DNMT3A: variants seen among roughly 807,000 people sequenced by gnomAD.
DNMT3A encodes DNA (cytosine-5)-methyltransferase 3A.
Under a neutral mutation model 117.6 loss-of-function variants are expected in DNMT3A, and 267 were observed. The ratio of observed to expected loss-of-function variants is 2.27; its 90% CI spans 2.05 to 2.51. DNMT3A has a LOEUF of 2.51. Ranked by LOEUF, DNMT3A falls within the 30% of genes most tolerant of loss-of-function variation. The probability of loss-of-function intolerance (pLI) is 0.00; values close to 1 mark genes in which losing one functional copy is unlikely to be tolerated. For synonymous variants in DNMT3A, 432 were observed against 474.8 expected (o/e 0.91, Z 1.17); for missense variants, 1,029 against 1,260.2 (o/e 0.82, Z 2.78).
rs1323649675 is a variant in DNMT3A at position 25,233,684 on chromosome 2, G to A, written c.*595C>T. ...TCAGTGGCTGGGAGGGAATGCTGCC[G>A]CCTGAGTGTCTCTCTCTTTCCGTCC... On this transcript the variant is annotated 3_prime_UTR_variant, in exon 23 of 23. Transcript: ENST00000321117. 1.2e-4 allele frequency: 26 copies of A among 225,950 alleles called. No individual in the cohort carries two copies. Among genetic ancestry groups the A allele is most frequent in the African/African-American group, 3.7e-4 (16 of 42,966 alleles). 14.0% of individuals were successfully genotyped at this position (225,950 alleles called of 1,614,324 possible). A position where few individuals can be genotyped will look rare whatever the true frequency, so the allele number is the denominator to read the frequency against.
chr2:25,253,604 T>C (rs1392204153), intron 6 of DNMT3A, among the ~76,000 whole-genome samples: 1 of 152,198 alleles, frequency 6.6e-6, no homozygotes, highest in Non-Finnish European at 1.5e-5. Context: ...AGGTGCGTCC[T>C]TGGGTATATT....
chr2:25,254,421 TC>T lies in DNMT3A; in HGVS notation c.640-6170del, dbSNP rs907047588. On this transcript the variant is annotated intron_variant, in intron 6 of 22. Coordinates refer to ENST00000321117, the MANE Select transcript of DNMT3A (RefSeq NM_022552.5). This position sits in a 1 kb window ranked among gnomAD's most constrained non-coding sequence, Gnocchi z 4.7. ...CTACCTAGAAGACTTGGGTACAGACTCCCCCCCAACCCTGAGACCCAGAATC... is the reference window on the plus strand; with the variant it reads ...CTACCTAGAAGACTTGGGTACAGACTCCCCCCAACCCTGAGACCCAGAATC... Among the ~76,000 whole-genome samples the T allele has an allele frequency of 6.7e-6, 1 of 150,132 alleles. No individual in the cohort carries two copies. Among genetic ancestry groups the T allele is most frequent in the Non-Finnish European group, 1.5e-5 (1 of 67,584 alleles).
In DNMT3A at chr2:25,233,364, A is replaced by G; in HGVS notation, c.*915T>C. On this transcript the variant is annotated 3_prime_UTR_variant, in exon 23 of 23. Transcript: ENST00000321117. ...CCATCCTTGGTGAAACCCTTTGCGC[A>G]GAAGGCAACGTGGAAGCTGATGTTT... 4.3e-6 allele frequency: 1 copy of G among 233,818 alleles called. No homozygotes were observed. Among genetic ancestry groups the G allele is most frequent in the East Asian group, 6.0e-5 (1 of 16,726 alleles). The allele number at this position is 233,818 out of a possible 1,614,324, so 14.5% of individuals were successfully genotyped here.
intron 3 of DNMT3A, among the ~76,000 whole-genome samples, chr2:25,291,703 C>G (rs570526925): frequency 2.6e-5 from 4 of 152,366 alleles, no homozygotes; most frequent in Non-Finnish European, 5.9e-5. Context: ...CCCTTCTCCC[C>G]AGAGATCTCT....
chr2:25,299,463 G>GTCCA (rs1423424889), intron 3 of DNMT3A, among the ~76,000 whole-genome samples: 1 of 152,222 alleles, frequency 6.6e-6, no homozygotes, highest in Non-Finnish European at 1.5e-5. Context: ...GTGGTAGGGA[G>GTCCA]GGGCCTTCAT....
intron 1 of DNMT3A, among the ~76,000 whole-genome samples, chr2:25,318,492 G>C (rs945861601): frequency 2.0e-5 from 3 of 151,908 alleles, no homozygotes; most frequent in African/African-American, 7.3e-5. Flanking sequence ...CGCCATGTTG[G>C]CCAGGCTGGT....
At chr2:25,251,755 A>T (rs1021407978) in intron 6 of DNMT3A, among the ~76,000 whole-genome samples, 1 of 152,170 alleles carries the variant, frequency 6.6e-6, no homozygotes, top group Non-Finnish European at 1.5e-5. Context: ...CCCTCTTAAG[A>T]GGCCGCAAGC....
At chr2:25,302,592 G>A (rs113064530) in intron 2 of DNMT3A, among the ~76,000 whole-genome samples, 7 of 152,298 alleles carry the variant, frequency 4.6e-5, no homozygotes, top group East Asian at 3.9e-4. Context: ...GCAAACTCGC[G>A]GGAGCCTTCA....
rs1004635427 is a variant in DNMT3A, at chr2:25,252,960, G to A, written c.640-4708C>T. On this transcript the variant is annotated intron_variant, in intron 6 of 22. Coordinates refer to ENST00000321117, the MANE Select transcript of DNMT3A (RefSeq NM_022552.5). The surrounding 1 kb of genome is among the most constrained non-coding windows in gnomAD (Gnocchi z 5.5). ...GCGGGGGGGCCTCAAAAAGCGCGGC[G>A]TGAGGAGGTCAGGCTTCGAGTCCCA... is the stretch of plus-strand genomic sequence containing the variant. 6.6e-6 allele frequency among the ~76,000 whole-genome samples: 1 copy of A among 152,138 alleles called. No homozygotes were observed. Among genetic ancestry groups the A allele is most frequent in the Non-Finnish European group, 1.5e-5 (1 of 68,010 alleles).
intron 1 of DNMT3A, among the ~76,000 whole-genome samples, chr2:25,336,936 T>G (rs1349228529): frequency 6.6e-6 from 1 of 152,174 alleles, no homozygotes; most frequent in African/African-American, 2.4e-5. Flanking sequence ...TTTGAGCACT[T>G]TATTTCTCCC....
chr2:25,248,974 G>A (rs1338779460), intron 6 of DNMT3A, among the ~76,000 whole-genome samples: 1 of 152,192 alleles, frequency 6.6e-6, no homozygotes, highest in East Asian at 1.9e-4. Context: ...CCATTAACTT[G>A]TCATTTAGCA....
In DNMT3A at chr2:25,235,687, T is replaced by C. The variant is rs768066151; in HGVS notation, c.2597+20A>G. 6.2e-7 allele frequency: 1 copy of C among 1,600,412 alleles called. No homozygotes were observed. Among genetic ancestry groups the C allele is most frequent in the Non-Finnish European group, 8.6e-7 (1 of 1,168,080 alleles). ...TCAGAACAGCCACACCGCAGCCAGATGCCAGCACAACCCGGGTACCTTTCC... is the reference window on the plus strand; with the variant it reads ...TCAGAACAGCCACACCGCAGCCAGACGCCAGCACAACCCGGGTACCTTTCC... On this transcript the variant is annotated intron_variant, in intron 22 of 22. Coordinates refer to ENST00000321117, the MANE Select transcript of DNMT3A (RefSeq NM_022552.5).
At chr2:25,330,477 G>T (rs2034974982) in intron 1 of DNMT3A, among the ~76,000 whole-genome samples, 1 of 152,158 alleles carries the variant, frequency 6.6e-6, no homozygotes, top group Non-Finnish European at 1.5e-5. Context: ...TGCTTCAAAG[G>T]TCTCCCCAGG....
At chr2:25,318,846 C>T (rs1210509788) in intron 1 of DNMT3A, among the ~76,000 whole-genome samples, 3 of 143,600 alleles carry the variant, frequency 2.1e-5, no homozygotes, top group South Asian at 4.4e-4. Context: ...TACAGGCGCC[C>T]ACCACCATGC....
In DNMT3A at chr2:25,230,151, C is replaced by A. The variant is rs550373683; in HGVS notation, c.*4128G>T. On this transcript the variant is annotated 3_prime_UTR_variant, in exon 23 of 23. Transcript: ENST00000321117. The stretch of plus-strand genomic sequence containing the variant: ...TGCTTTCCAATAGGATGTTCAATAG[C>A]AAGAAGTCTCTGGGGCCTAGAGACA... 1.3e-5 allele frequency: 2 copies of A among 152,386 alleles called. No individual in the cohort carries two copies. Among genetic ancestry groups the A allele is most frequent in the Admixed American group, 1.3e-4 (2 of 15,306 alleles). The allele number at this position is 152,386 out of a possible 1,614,324, so 9.4% of individuals were successfully genotyped here.
At chr2:25,251,479 C>A (rs1241804836) in intron 6 of DNMT3A, among the ~76,000 whole-genome samples, 1 of 152,146 alleles carries the variant, frequency 6.6e-6, no homozygotes, top group African/African-American at 2.4e-5. Flanking sequence ...GGAAAGCCAC[C>A]GGGAACTCCG....
At position 25,294,674 on chromosome 2, in the gene DNMT3A, A is replaced by T. The variant is rs1170170390; in HGVS notation, c.177+5465T>A. On this transcript the variant is annotated intron_variant, in intron 3 of 22. Coordinates refer to ENST00000321117, the MANE Select transcript of DNMT3A (RefSeq NM_022552.5). This position sits in a 1 kb window ranked among gnomAD's most constrained non-coding sequence, Gnocchi z 4.7. ...GGCTGGAAAGCTAGCCAGTGCTGCAAACCTCCAAGAGCTGCCATAAGCTGT... is the reference window on the plus strand; with the variant it reads ...GGCTGGAAAGCTAGCCAGTGCTGCATACCTCCAAGAGCTGCCATAAGCTGT... Among the ~76,000 whole-genome samples the T allele has an allele frequency of 2.0e-5, 3 of 152,182 alleles. No individual in the cohort carries two copies. The highest frequency in any genetic ancestry group is 7.2e-5 in the African/African-American group (3 of 41,436).
In DNMT3A at chr2:25,237,099, C is replaced by A. The variant is rs1340581987; in HGVS notation, c.2409-94G>T. 1.5e-6 allele frequency: 2 copies of A among 1,298,422 alleles called. No individual in the cohort carries two copies. The highest frequency in any genetic ancestry group is 2.6e-5 in the South Asian group (2 of 76,818). 80.4% of individuals were successfully genotyped at this position (1,298,422 alleles called of 1,614,324 possible). ...ACTCCCCTCCCTCCCCCAGCAGCCACTAGTTCACAGGGTAAGAGCCCCTTC... is the reference window on the plus strand; with the variant it reads ...ACTCCCCTCCCTCCCCCAGCAGCCAATAGTTCACAGGGTAAGAGCCCCTTC... On this transcript the variant is annotated intron_variant, in intron 20 of 22. Coordinates refer to ENST00000321117, the MANE Select transcript of DNMT3A (RefSeq NM_022552.5). This position sits in a 1 kb window ranked among gnomAD's most constrained non-coding sequence, Gnocchi z 5.4.
chr2:25,258,744 A>G (rs1010196751), intron 6 of DNMT3A, among the ~76,000 whole-genome samples: 4 of 152,224 alleles, frequency 2.6e-5, no homozygotes. Context: ...GAAACTAGGA[A>G]TGGGCACAAC....
Sources: gnomAD v4.1 joint callset for allele counts (sites outside exome capture counted in the v4.1 genomes callset) on GRCh38, gnomAD v4.1.1 for gene constraint, Gnocchi (gnomAD v3.1) non-coding constraint, MANE v1.5 for transcripts, NCBI Gene and HGNC (gene_info 2026-07-23, HGNC 2026-07-21) for gene names.